The following SLC44A1 variants were observed in gnomAD, a reference collection of about 807,000 sequenced individuals.
SLC44A1 encodes solute carrier family 44 member 1.
SLC44A1 carries 26 observed loss-of-function variants against 79.3 expected under a neutral mutation model. The ratio of observed to expected loss-of-function variants is 0.33; its 90% CI spans 0.24 to 0.46. The LOEUF is 0.46. Among genes scored for constraint, SLC44A1 ranks in the 20% least tolerant of loss-of-function variants. The pLI is 1.00. For synonymous variants in SLC44A1, 263 were observed against 286.2 expected (o/e 0.92, Z 0.82); for missense variants, 688 against 798.1 (o/e 0.86, Z 1.66).
chr9:105,315,479 C>G, intron 3 of SLC44A1, among the ~76,000 whole-genome samples: 1 of 151,922 alleles, frequency 6.6e-6, no homozygotes, highest in South Asian at 2.1e-4. Flanking sequence ...AAGTCATAGT[C>G]CTGTATCTTT....
chr9:105,415,217 C>A (rs573087237), intron 15 of SLC44A1, among the ~76,000 whole-genome samples: 92 of 152,240 alleles, frequency 6.0e-4, no homozygotes, highest in African/African-American at 2.2e-3. Flanking sequence ...GCCCACAGTT[C>A]AAAGATTTCT....
Position 105,363,025 on chromosome 9 carries a change from T to C in SLC44A1, c.1087+18T>C. On this transcript the variant is annotated intron_variant, in intron 9 of 15. Transcript: ENST00000374720. ...CACTACCGGTAAGAAGATAAGCTTC[T>C]TTCTCTTAGTGACAAACGTGATTTG... 3 of 1,557,636 alleles carry C rather than the reference T, an allele frequency of 1.9e-6. No homozygotes were observed. Among genetic ancestry groups the C allele is most frequent in the South Asian group, 2.4e-5 (2 of 85,004 alleles).
intron 2 of SLC44A1, among the ~76,000 whole-genome samples, chr9:105,303,890 G>C (rs1238840796): frequency 6.6e-6 from 1 of 152,148 alleles, no homozygotes; most frequent in Non-Finnish European, 1.5e-5. Context: ...AGGAAGCTAG[G>C]GTGAGGAGCA....
intron 1 of SLC44A1, among the ~76,000 whole-genome samples, chr9:105,296,499 A>G (rs1295589918): frequency 5.3e-5 from 8 of 152,252 alleles, no homozygotes; most frequent in Admixed American, 5.2e-4. Flanking sequence ...AATACTAAGA[A>G]AATAGTTGGG....
At chr9:105,263,557 A>G (rs1015541807) in intron 1 of SLC44A1, among the ~76,000 whole-genome samples, 2 of 130,892 alleles carry the variant, frequency 1.5e-5, no homozygotes, top group African/African-American at 6.0e-5. Flanking sequence ...TTTTTTTGAG[A>G]TGGAATTTCA....
chr9:105,271,312 C>T (rs1830070951), intron 1 of SLC44A1, among the ~76,000 whole-genome samples: 1 of 152,198 alleles, frequency 6.6e-6, no homozygotes, highest in Admixed American at 6.5e-5. Context: ...TCTCATTTAT[C>T]TTATTGCTCC....
chr9:105,330,544 G>A (rs1160811387), intron 3 of SLC44A1, among the ~76,000 whole-genome samples: 14 of 152,186 alleles, frequency 9.2e-5, no homozygotes, highest in East Asian at 3.9e-4. Context: ...ATCTTGCTCT[G>A]AGTGCAGCTT....
intron 1 of SLC44A1, among the ~76,000 whole-genome samples, chr9:105,254,471 C>CA (rs1829658566): frequency 6.6e-6 from 1 of 152,196 alleles, no homozygotes; most frequent in African/African-American, 2.4e-5. Context: ...AGGACTTTGC[C>CA]AGCAAGGTGG....
rs1019463534 is a variant in SLC44A1 at position 105,389,052 on chromosome 9, C to T, written c.1970C>T (p.Ala657Val). 1.1e-5 allele frequency: 18 copies of T among 1,613,240 alleles called. No homozygotes were observed. The highest frequency in any genetic ancestry group is 1.5e-5 in the Non-Finnish European group (18 of 1,179,338). Residue 657 changes from alanine to valine, a missense_variant, in exon 16 of 16, where the codon GCT becomes GTT. By Grantham distance (64) the Ala-to-Val change is moderately conservative (BLOSUM62 0). Transcript: ENST00000374720. ...TTCTAGGCTTCGGGAGCAAGTTCTG[C>T]TTGAACCTAGCCGACGGTTATGGAA... ...LKPMASGASS[A>V]
chr9:105,345,296 A>C (rs1827215064), intron 4 of SLC44A1, among the ~76,000 whole-genome samples: 1 of 152,206 alleles, frequency 6.6e-6, no homozygotes, highest in South Asian at 2.1e-4. Context: ...AAAACAGTAG[A>C]TAAAAAAATG....
intron 2 of SLC44A1, among the ~76,000 whole-genome samples, chr9:105,303,787 C>T (rs1405509021): frequency 3.3e-5 from 5 of 152,192 alleles, no homozygotes; most frequent in Non-Finnish European, 4.4e-5. Context: ...CCTGTAGGAC[C>T]AGTAACCTTG....
chr9:105,344,696 A>G (rs945566762), intron 4 of SLC44A1, among the ~76,000 whole-genome samples: 7 of 152,222 alleles, frequency 4.6e-5, no homozygotes, highest in African/African-American at 1.4e-4. Flanking sequence ...GATGACATCT[A>G]TGTATCAGGA....
rs568122440 is a variant in SLC44A1, at chr9:105,329,788, G to T, written c.270-5775G>T. 2.8e-4 allele frequency among the ~76,000 whole-genome samples: 43 copies of T among 152,162 alleles called. 1 individual carries two copies. Among genetic ancestry groups the T allele is most frequent in the South Asian group, 2.7e-3 (13 of 4,814 alleles). ...TTCATGATTCTGTGCTTTTAGACATGCAGTTTTCTCTGCCTAGAGTGCTCC... is the reference window on the plus strand; with the variant it reads ...TTCATGATTCTGTGCTTTTAGACATTCAGTTTTCTCTGCCTAGAGTGCTCC... On this transcript the variant is annotated intron_variant, in intron 3 of 15. Transcript: ENST00000374720.
Position 105,396,615 on chromosome 9 carries a change from T to C in SLC44A1, c.*7559T>C, listed in dbSNP as rs1588867419. The C allele has an allele frequency of 3.0e-6, 3 of 985,332 alleles. No individual in the cohort carries two copies. Among genetic ancestry groups the C allele is most frequent in the African/African-American group, 1.7e-5 (1 of 57,240 alleles). 61.0% of individuals were successfully genotyped at this position (985,332 alleles called of 1,614,324 possible). ...GCCCAGCCCAGCATATGGGGTGATA[T>C]GAGCAGAAAACACACATCGGTGTGT... On this transcript the variant is annotated 3_prime_UTR_variant, in exon 16 of 16. Transcript: ENST00000374720.
intron 15 of SLC44A1, among the ~76,000 whole-genome samples, chr9:105,420,450 C>G (rs1829231182): frequency 6.6e-6 from 1 of 152,174 alleles, no homozygotes; most frequent in Non-Finnish European, 1.5e-5. Context: ...GTTACAAAGA[C>G]TCTTTTCTTT....
intron 1 of SLC44A1, among the ~76,000 whole-genome samples, chr9:105,254,342 C>T (rs1186966088): frequency 6.6e-6 from 1 of 152,114 alleles, no homozygotes; most frequent in Non-Finnish European, 1.5e-5. Context: ...GAGAGGGCTG[C>T]ACACTTATCC....
chr9:105,413,531 A>G (rs902368901), intron 15 of SLC44A1, among the ~76,000 whole-genome samples: 1 of 152,260 alleles, frequency 6.6e-6, no homozygotes, highest in African/African-American at 2.4e-5. Flanking sequence ...TGGCAGAACC[A>G]AAAGATAGAA....
At chr9:105,426,460 G>A (rs143295089) in intron 15 of SLC44A1, among the ~76,000 whole-genome samples, 22 of 152,208 alleles carry the variant, frequency 1.4e-4, no homozygotes, top group Non-Finnish European at 2.6e-4. Context: ...ACACATTTTT[G>A]GTTCCCCACT....
In SLC44A1 at chr9:105,256,271, C is replaced by A. The variant is rs201473495; in HGVS notation, c.36+11367C>A. 4.6e-5 allele frequency among the ~76,000 whole-genome samples: 7 copies of A among 152,290 alleles called. No homozygotes were observed. The East Asian group carries it at 1.4e-3, about 29-fold the overall frequency. On this transcript the variant is annotated intron_variant, in intron 1 of 15. Transcript: ENST00000374720. ...AAGTGATCTGCCCACCTCAGCCTCT[C>A]AAAGTGCTGGAATTACAGGCATGAG...
Sources: allele counts gnomAD v4.1 joint callset (sites outside exome capture counted in the v4.1 genomes callset), GRCh38; gene constraint gnomAD v4.1.1; transcripts MANE v1.5; gene names NCBI Gene and HGNC (gene_info 2026-07-23, HGNC 2026-07-21).